ZBTB7A: variants seen among roughly 807,000 people sequenced by gnomAD.
The protein encoded by ZBTB7A is zinc finger and BTB domain-containing protein 7A.
ZBTB7A carries 7 observed loss-of-function variants against 26.7 expected under a neutral mutation model. That is an observed-to-expected ratio of 0.26 (90% confidence interval 0.15 to 0.49). The LOEUF is 0.49. ZBTB7A is among the 20% of genes least tolerant of loss of function. ZBTB7A has a pLI of 0.98. For missense variants in ZBTB7A, 617 were observed against 919.5 expected, an observed-to-expected ratio of 0.67 and a Z score of 4.25; for synonymous variants, 452 against 441.0, an observed-to-expected ratio of 1.02 and a Z score of -0.31.
At chr19:4,064,836 C>T (rs918251124) in intron 1 of ZBTB7A, among the ~76,000 whole-genome samples, 1 of 152,154 alleles carries the variant, frequency 6.6e-6, no homozygotes, top group African/African-American at 2.4e-5. Context: ...CCCCGCCTCG[C>T]CGCCAACTCC....
chr19:4,048,041 C>G lies in ZBTB7A; in HGVS notation c.1466G>C (p.Gly489Ala). ...DHLHRHLKKD[G>A]CNGVPSRRGR... ...GCGGCGCGAGGGGACGCCGTTGCAG[C>G]CGTCTTTCTTGAGGTGTCTGTGCAG... is the stretch of plus-strand genomic sequence containing the variant. Residue 489 changes from glycine (G) to alanine (A), a missense_variant, in exon 3 of 3, where the codon GGC (glycine) becomes GCC (alanine). Transcript: ENST00000322357. The surrounding 1 kb of genome is among the most constrained non-coding windows in gnomAD (Gnocchi z 6.7). 6.5e-7 allele frequency: 1 copy of G among 1,538,802 alleles called. No individual in the cohort carries two copies. Among genetic ancestry groups the G allele is most frequent in the South Asian group, 1.2e-5 (1 of 83,678 alleles).
chr19:4,059,713 C>A (rs1040427054), intron 1 of ZBTB7A, among the ~76,000 whole-genome samples: 1 of 152,106 alleles, frequency 6.6e-6, no homozygotes, highest in Non-Finnish European at 1.5e-5. Context: ...CTGACCCACG[C>A]CCTCACTCCA....
At chr19:4,053,733 T>C (rs2040533406) in intron 2 of ZBTB7A, among the ~76,000 whole-genome samples, 1 of 151,740 alleles carries the variant, frequency 6.6e-6, no homozygotes, top group African/African-American at 2.4e-5. Context: ...TACGCGTCTG[T>C]GCATGTGTGT....
At chr19:4,049,146 A>ATG (rs1423792197) in intron 2 of ZBTB7A, among the ~76,000 whole-genome samples, 2 of 34,652 alleles carry the variant, frequency 5.8e-5, no homozygotes, top group Non-Finnish European at 1.1e-4. Flanking sequence ...CTATTAAACT[A>ATG]TATGTGTGTG....
chr19:4,047,804 C>T lies in ZBTB7A; in HGVS notation c.1703G>A (p.Gly568Glu), dbSNP rs766570897. The change falls in exon 3 of 3, where the codon GGA becomes GAA. Residue 568 changes from glycine (G) to glutamate (E), a missense_variant. By Grantham distance (98) the Gly-to-Glu change is moderately conservative. Around this residue, in one of 5 missense-constraint regions of ZBTB7A, gnomAD observed 136 missense variants for 126.6 expected, o/e 1.07. Transcript: ENST00000322357. ...VAGAGGGGDS[G>E]GGPGAATDGN... ...GTCGGTGGCGGCCCCGGGGCCACCT[C>T]CGCTGTCACCTCCTCCACCGGCGCC... is the stretch of plus-strand genomic sequence containing the variant. 4 of 1,603,092 alleles carry T rather than the reference C, an allele frequency of 2.5e-6. No homozygotes were observed. The South Asian group carries it at 4.4e-5, about 18-fold the overall frequency.
Position 4,046,403 on chromosome 19 carries a change from GCT to G in ZBTB7A, c.*1347_*1348del, listed in dbSNP as rs1197759617. 1.7e-5 allele frequency: 3 copies of G among 176,032 alleles called. No individual in the cohort carries two copies. Among genetic ancestry groups the G allele is most frequent in the Non-Finnish European group, 1.1e-5 (1 of 88,052 alleles). The allele number at this position is 176,032 out of a possible 1,614,324, so 10.9% of individuals were successfully genotyped here. Reference sequence around the variant, plus strand: ...ACTTTTAGGAATTTCTTCTGCTCTCGCTCTCTCTCTCGCTCTCTCTCTCGCTC... The same window carrying G: ...ACTTTTAGGAATTTCTTCTGCTCTCGCTCTCTCTCGCTCTCTCTCTCGCTC... On this transcript the variant is annotated 3_prime_UTR_variant, in exon 3 of 3. Coordinates refer to ENST00000322357, the MANE Select transcript of ZBTB7A (RefSeq NM_015898.4).
intron 1 of ZBTB7A, among the ~76,000 whole-genome samples, chr19:4,062,412 A>C (rs778911003): frequency 3.9e-5 from 6 of 152,202 alleles, no homozygotes; most frequent in Non-Finnish European, 5.9e-5. Flanking sequence ...TAATCGCCCC[A>C]GAGACCCACG....
intron 1 of ZBTB7A, among the ~76,000 whole-genome samples, chr19:4,060,682 T>C (rs1040869015): frequency 2.0e-5 from 3 of 152,262 alleles, no homozygotes; most frequent in African/African-American, 4.8e-5. Flanking sequence ...AACTGAGGCC[T>C]GGAGGTGGGC....
At position 4,044,966 on chromosome 19, in the gene ZBTB7A, G is replaced by T. The variant is rs1448889353; in HGVS notation, c.*2786C>A. Reference sequence around the variant, plus strand: ...ATGTGATTGCGCGGAGTCTGGGGAGGGCGGGGCTGGGCTGGGGGGGTCCCG... The same window carrying T: ...ATGTGATTGCGCGGAGTCTGGGGAGTGCGGGGCTGGGCTGGGGGGGTCCCG... On this transcript the variant is annotated 3_prime_UTR_variant, in exon 3 of 3. Coordinates refer to ENST00000322357, the MANE Select transcript of ZBTB7A (RefSeq NM_015898.4). The T allele has an allele frequency of 6.6e-6, 1 of 152,172 alleles. No individual in the cohort carries two copies. The highest frequency in any genetic ancestry group is 1.5e-5 in the Non-Finnish European group (1 of 68,036). The allele number at this position is 152,172 out of a possible 1,614,324, so 9.4% of individuals were successfully genotyped here.
At chr19:4,065,859 G>C (rs991023469) in intron 1 of ZBTB7A, 19 of 142,846 alleles carry the variant, frequency 1.3e-4, no homozygotes, top group African/African-American at 4.8e-4. Context: ...CGGAAGCCGG[G>C]ACCGCCACCG....
chr19:4,057,026 G>GAAA (rs773127216), intron 1 of ZBTB7A, among the ~76,000 whole-genome samples: 1 of 78,732 alleles, frequency 1.3e-5, no homozygotes. Context: ...GACTCGGTCT[G>GAAA]AAAAAAAAAA....
At chr19:4,065,676 G>A (rs1364947821) in intron 1 of ZBTB7A, 1 of 141,544 alleles carries the variant, frequency 7.1e-6, no homozygotes, top group Admixed American at 6.9e-5. Flanking sequence ...CGCATCCCCG[G>A]GCTCGCCTGC....
In ZBTB7A at chr19:4,047,691, G is replaced by C; in HGVS notation, c.*61C>G. 1 of 1,537,696 alleles carries C rather than the reference G, an allele frequency of 6.5e-7. No homozygotes were observed. The highest frequency in any genetic ancestry group is 8.7e-7 in the Non-Finnish European group (1 of 1,146,626). On this transcript the variant is annotated 3_prime_UTR_variant, in exon 3 of 3. Coordinates refer to ENST00000322357, the MANE Select transcript of ZBTB7A (RefSeq NM_015898.4). ...TTGTGTTTTTGGGGGGGTGGTGGGT[G>C]ATTTTTTTTCTCTCTCTCTGTCTCT...
In ZBTB7A at chr19:4,054,975, G is replaced by T; in HGVS notation, c.258C>A (p.Thr86=). 1 of 1,612,152 alleles carries T rather than the reference G, an allele frequency of 6.2e-7. No individual in the cohort carries two copies. ...EIDFVSAEAL[T]ALMDFAYTAT... ...CCGTGTAGGCGAAGTCCATGAGCGC[G>T]GTGAGCGCCTCGGCGCTGACGAAGT... is the stretch of plus-strand genomic sequence containing the variant. Residue 86 remains threonine (T), a synonymous_variant, in exon 2 of 3, where the codon ACC becomes ACA. Transcript: ENST00000322357.
chr19:4,056,733 G>A (rs970811368), intron 1 of ZBTB7A, among the ~76,000 whole-genome samples: 7 of 152,176 alleles, frequency 4.6e-5, no homozygotes, highest in Non-Finnish European at 7.3e-5. Flanking sequence ...TGGGCGTGAT[G>A]GCACGTGCCT....
chr19:4,056,071 TC>T (rs535202633), intron 1 of ZBTB7A, among the ~76,000 whole-genome samples: 30 of 149,986 alleles, frequency 2.0e-4, no homozygotes, highest in Admixed American at 1.9e-3. Flanking sequence ...ATGTCCTGCC[TC>T]CCCCAGCCTG....
chr19:4,065,157 G>A (rs910583849), intron 1 of ZBTB7A, among the ~76,000 whole-genome samples: 2 of 151,790 alleles, frequency 1.3e-5, no homozygotes, highest in South Asian at 2.1e-4. Context: ...TGGCGTCAAG[G>A]GAAAGGAGGG....
Position 4,054,945 on chromosome 19 carries a change from C to A in ZBTB7A, c.288G>T (p.Thr96=). The change falls in exon 2 of 3, where the codon ACG becomes ACT. Residue 96 remains threonine, a synonymous_variant. Coordinates refer to ENST00000322357, the MANE Select transcript of ZBTB7A (RefSeq NM_015898.4). ...CCACGTTGGCTGTGCTGACGGTGAG[C>A]GTGGCCGTGTAGGCGAAGTCCATGA... ...TALMDFAYTA[T]LTVSTANVGD... The A allele has an allele frequency of 6.2e-7, 1 of 1,611,648 alleles. No homozygotes were observed. The highest frequency in any genetic ancestry group is 8.5e-7 in the Non-Finnish European group (1 of 1,179,686).
At chr19:4,055,874 C>G (rs1238855385) in intron 1 of ZBTB7A, among the ~76,000 whole-genome samples, 1 of 152,168 alleles carries the variant, frequency 6.6e-6, no homozygotes, top group Non-Finnish European at 1.5e-5. Context: ...CCAACCGCCC[C>G]TGCCTCCCAA....
Sources: allele counts gnomAD v4.1 joint callset (sites outside exome capture counted in the v4.1 genomes callset), GRCh38; gene constraint gnomAD v4.1.1; regional missense constraint gnomAD v4.1.1; non-coding constraint Gnocchi (gnomAD v3.1); transcripts MANE v1.5; gene names NCBI Gene and HGNC (gene_info 2026-07-23, HGNC 2026-07-21).